ASCC1: variants seen among roughly 807,000 people sequenced by gnomAD.
The protein encoded by ASCC1 is ASC-1 complex subunit P50.
ASCC1 carries 35 observed loss-of-function variants against 46.6 expected under a neutral mutation model. The observed-to-expected ratio is 0.75, with a 90% CI of 0.57 to 0.99. ASCC1 has a LOEUF of 0.99. Among genes scored for constraint, ASCC1 ranks in the 50% least tolerant of loss-of-function variants. The probability of loss-of-function intolerance (pLI) is 0.00; values close to 1 mark genes in which losing one functional copy is unlikely to be tolerated. For missense variants in ASCC1, 376 were observed against 428.7 expected (o/e 0.88, Z 1.09); for synonymous variants, 143 against 146.6 (o/e 0.98, Z 0.18).
At chr10:72,176,242 G>A (rs537032418) in intron 5 of ASCC1, among the ~76,000 whole-genome samples, 1 of 152,210 alleles carries the variant, frequency 6.6e-6, no homozygotes, top group African/African-American at 2.4e-5. Flanking sequence ...CTGCCTTGGT[G>A]CCCAACTCCT....
chr10:72,106,558 C>G (rs79208244), intron 9 of ASCC1, among the ~76,000 whole-genome samples: 3,875 of 152,206 alleles, frequency 0.025, 158 homozygotes, highest in African/African-American at 0.09. Flanking sequence ...CTATTTTGTA[C>G]TTAATAATAA....
chr10:72,124,635 A>G (rs1404906951), intron 9 of ASCC1, among the ~76,000 whole-genome samples: 1 of 151,656 alleles, frequency 6.6e-6, no homozygotes, highest in Non-Finnish European at 1.5e-5. Flanking sequence ...CTAGTGAGGG[A>G]GCATTTACTT....
At chr10:72,155,687 T>C (rs143140450) in intron 6 of ASCC1, among the ~76,000 whole-genome samples, 63 of 152,352 alleles carry the variant, frequency 4.1e-4, no homozygotes, top group Middle Eastern at 3.4e-3. Flanking sequence ...AATTAACACG[T>C]ATTACCTTTG....
chr10:72,113,248 C>T (rs1344781372), intron 9 of ASCC1, among the ~76,000 whole-genome samples: 1 of 152,134 alleles, frequency 6.6e-6, no homozygotes, highest in African/African-American at 2.4e-5. Flanking sequence ...CTATTTCTTG[C>T]TATTGTGCTG....
At chr10:72,113,737 C>G (rs956020373) in intron 9 of ASCC1, among the ~76,000 whole-genome samples, 1 of 152,208 alleles carries the variant, frequency 6.6e-6, no homozygotes, top group Non-Finnish European at 1.5e-5. Context: ...AATCACCTGT[C>G]AGAAGTCTTT....
intron 9 of ASCC1, among the ~76,000 whole-genome samples, chr10:72,106,921 T>C (rs566703864): frequency 6.6e-6 from 1 of 152,264 alleles, no homozygotes; most frequent in South Asian, 2.1e-4. Flanking sequence ...TCAATTCCAA[T>C]AACAAATATG....
intron 5 of ASCC1, among the ~76,000 whole-genome samples, chr10:72,179,297 G>A (rs182301592): frequency 2.0e-5 from 3 of 152,116 alleles, no homozygotes; most frequent in African/African-American, 2.4e-5. Context: ...CACTGCGCCC[G>A]GCCTGCTGCT....
chr10:72,102,249 G>T, intron 9 of ASCC1: 3 of 1,237,518 alleles, frequency 2.4e-6, no homozygotes, highest in Non-Finnish European at 2.3e-6. Flanking sequence ...GCCATTGACA[G>T]TAACAGAACA....
intron 5 of ASCC1, among the ~76,000 whole-genome samples, chr10:72,179,765 G>T (rs1852327894): frequency 6.6e-6 from 1 of 152,074 alleles, no homozygotes; most frequent in Non-Finnish European, 1.5e-5. Context: ...ATACATATTT[G>T]CTATTTTATA....
chr10:72,194,011 T>C (rs1484362507), intron 5 of ASCC1, among the ~76,000 whole-genome samples: 1 of 151,714 alleles, frequency 6.6e-6, no homozygotes, highest in African/African-American at 2.4e-5. Flanking sequence ...ATTTTTTTTT[T>C]TTTTGTATTT....
chr10:72,208,257 T>C (rs1429055530), intron 3 of ASCC1, among the ~76,000 whole-genome samples: 2 of 151,668 alleles, frequency 1.3e-5, no homozygotes, highest in Non-Finnish European at 2.9e-5. Flanking sequence ...GTCAGAATCA[T>C]GCAAGGAACT....
chr10:72,216,078 C>G (rs1314277082), intron 1 of ASCC1, 129 bp downstream of exon 1: 1 of 152,322 alleles, frequency 6.6e-6, no homozygotes, highest in Admixed American at 6.5e-5. Context: ...TCGTGGTGAG[C>G]GCAGCCACTC....
chr10:72,125,649 T>C (rs375789659), intron 9 of ASCC1, among the ~76,000 whole-genome samples: 8 of 152,306 alleles, frequency 5.3e-5, no homozygotes, highest in African/African-American at 1.7e-4. Flanking sequence ...AGCCCACATT[T>C]ACTTTTATTT....
At chr10:72,102,347 G>C (rs1369586684) in intron 9 of ASCC1, 1 of 1,549,404 alleles carries the variant, frequency 6.5e-7, no homozygotes, top group South Asian at 1.2e-5. Context: ...CTAGCTCTCT[G>C]TGTCCCAAGC....
intron 7 of ASCC1, among the ~76,000 whole-genome samples, chr10:72,149,665 T>G (rs922765516): frequency 3.9e-5 from 6 of 152,128 alleles, no homozygotes; most frequent in African/African-American, 1.4e-4. Context: ...GTTCACAAAG[T>G]TGAAAAATAA....
chr10:72,099,828 CAAACAAAT>C (rs1841529584), intron 9 of ASCC1, among the ~76,000 whole-genome samples: 1 of 151,830 alleles, frequency 6.6e-6, no homozygotes, highest in South Asian at 2.1e-4. Context: ...CTCAAACAAA[CAAACAAAT>C]AAACCAAAAA....
intron 8 of ASCC1, 41 bp from the exon 9 acceptor site, chr10:72,128,208 T>C (rs1845119219): frequency 2.6e-6 from 4 of 1,563,870 alleles, no homozygotes; most frequent in African/African-American, 1.4e-5. Flanking sequence ...CTTAGATTGA[T>C]TGGTTGTTTT....
intron 8 of ASCC1, among the ~76,000 whole-genome samples, chr10:72,131,140 G>A (rs1304544525): frequency 2.6e-5 from 4 of 152,168 alleles, no homozygotes; most frequent in African/African-American, 9.7e-5. Flanking sequence ...GCTCAACTGG[G>A]CCGGGCGCAG....
chr10:72,111,798 C>G (rs994674447), intron 9 of ASCC1, among the ~76,000 whole-genome samples: 1 of 152,070 alleles, frequency 6.6e-6, no homozygotes, highest in African/African-American at 2.4e-5. Context: ...CCTGCCACCA[C>G]GCCCGGCTAA....
Sources: gnomAD v4.1 joint callset for allele counts (sites outside exome capture counted in the v4.1 genomes callset) on GRCh38, gnomAD v4.1.1 for gene constraint, MANE v1.5 for transcripts, NCBI Gene and HGNC (gene_info 2026-07-23, HGNC 2026-07-21) for gene names.